Variants in SNAP91 observed in about 807,000 individuals in gnomAD.
SNAP91 encodes the protein synaptosome associated protein 91, also known as clathrin coat assembly protein AP180.
SNAP91 carries 27 observed loss-of-function variants against 100.3 expected under a neutral mutation model. The observed-to-expected ratio is 0.27, with a 90% CI of 0.20 to 0.37. SNAP91 has a LOEUF of 0.37. Ranked by LOEUF, SNAP91 falls within the 10% of genes least tolerant of loss-of-function variation. The pLI, the probability that SNAP91 is intolerant of heterozygous loss-of-function variation, is 1.00. For missense variants in SNAP91, 986 were observed against 1,123.7 expected (o/e 0.88, Z 1.75); for synonymous variants, 404 against 398.6 (o/e 1.01, Z -0.16).
chr6:83,688,352 T>TA (rs2099087909), intron 2 of SNAP91, among the ~76,000 whole-genome samples: 1 of 152,192 alleles, frequency 6.6e-6, no homozygotes, highest in Non-Finnish European at 1.5e-5. Flanking sequence ...TCTCACTGCT[T>TA]AATAAAATAA....
chr6:83,568,606 G>A (rs919286293), intron 26 of SNAP91, among the ~76,000 whole-genome samples: 4 of 152,248 alleles, frequency 2.6e-5, no homozygotes, highest in African/African-American at 9.6e-5. Context: ...GCCAGCAGAC[G>A]TAGTTCAATA....
intron 13 of SNAP91, among the ~76,000 whole-genome samples, chr6:83,606,019 C>T (rs2128279367): frequency 6.6e-6 from 1 of 152,198 alleles, no homozygotes; most frequent in South Asian, 2.1e-4. Flanking sequence ...CTTTGAGGGC[C>T]AGTTGGTCTC....
intron 22 of SNAP91, among the ~76,000 whole-genome samples, chr6:83,585,346 A>G (rs6454335): frequency 0.028 from 4,216 of 152,042 alleles, 177 homozygotes; most frequent in African/African-American, 0.094. Flanking sequence ...TCATTTTTAT[A>G]TATCTATCTA....
intron 8 of SNAP91, 47 bp from the exon 9 acceptor site, chr6:83,623,389 T>G (rs781387387): frequency 8.5e-6 from 12 of 1,404,374 alleles, no homozygotes; most frequent in Non-Finnish European, 1.2e-5. Context: ...TAAAATTAAT[T>G]TTTTTCATTT....
chr6:83,697,430 A>C (rs927125989), intron 2 of SNAP91, among the ~76,000 whole-genome samples: 5 of 151,908 alleles, frequency 3.3e-5, no homozygotes, highest in Admixed American at 3.3e-4. Flanking sequence ...AGTTAATGGT[A>C]TGTACTGAGA....
intron 8 of SNAP91, among the ~76,000 whole-genome samples, chr6:83,627,428 C>T (rs2096983364): frequency 3.3e-5 from 5 of 151,978 alleles, no homozygotes; most frequent in Admixed American, 2.0e-4. Context: ...AGAATTGCTT[C>T]CAGTTCTTCT....
chr6:83,666,141 T>C (rs1212580833), intron 2 of SNAP91, among the ~76,000 whole-genome samples: 4 of 152,102 alleles, frequency 2.6e-5, no homozygotes, highest in Non-Finnish European at 4.4e-5. Flanking sequence ...TAGAACAACA[T>C]GCATGCATTA....
chr6:83,555,737 A>AT (rs1192969935), intron 29 of SNAP91, among the ~76,000 whole-genome samples: 3 of 152,220 alleles, frequency 2.0e-5, no homozygotes, highest in African/African-American at 7.2e-5. Context: ...CAAAAGAAGG[A>AT]TAAACAAAAT....
chr6:83,659,241 T>C (rs886304149), intron 5 of SNAP91, 149 bp from the exon 6 acceptor site: 3 of 628,204 alleles, frequency 4.8e-6, no homozygotes, highest in South Asian at 2.1e-5. Context: ...TTGTAGTCAT[T>C]TCCCCCCTCT....
In SNAP91 at chr6:83,638,701, G is replaced by A. The variant is rs146787566; in HGVS notation, c.765+2395C>T. Among the ~76,000 whole-genome samples, 15 of 152,228 alleles carry A rather than the reference G, an allele frequency of 9.9e-5. No homozygotes were observed. In the East Asian group the frequency reaches 2.7e-3, roughly 27 times the overall value. On this transcript the variant is annotated intron_variant, in intron 8 of 29. Coordinates refer to ENST00000369694, the MANE Select transcript of SNAP91 (RefSeq NM_001242792.2). The stretch of plus-strand genomic sequence containing the variant: ...ATGTATTTCCATTAAATGGATAATT[G>A]TGTTCAAAGAGACAATTTAGGAATT...
intron 8 of SNAP91, among the ~76,000 whole-genome samples, chr6:83,639,724 C>G (rs1263154732): frequency 6.6e-6 from 1 of 151,994 alleles, no homozygotes; most frequent in Non-Finnish European, 1.5e-5. Context: ...GAAGTGTATA[C>G]CCCAGACTGC....
chr6:83,559,516 T>C (rs1460647919), intron 28 of SNAP91, among the ~76,000 whole-genome samples: 2 of 152,228 alleles, frequency 1.3e-5, no homozygotes, highest in African/African-American at 2.4e-5. Flanking sequence ...ATAAGTTTAG[T>C]ACTTTCCTGA....
intron 18 of SNAP91, 97 bp downstream of exon 18, chr6:83,593,381 G>A (rs2094058210): frequency 6.6e-7 from 1 of 1,507,708 alleles, no homozygotes; most frequent in Non-Finnish European, 9.0e-7. Context: ...GGTTTCTAGA[G>A]AACCATTTAA....
chr6:83,613,047 A>G (rs2096255474), intron 11 of SNAP91, among the ~76,000 whole-genome samples: 1 of 152,222 alleles, frequency 6.6e-6, no homozygotes, highest in Non-Finnish European at 1.5e-5. Context: ...TATAAAAAAG[A>G]GTATCATACT....
intron 26 of SNAP91, among the ~76,000 whole-genome samples, chr6:83,561,515 A>G (rs956594624): frequency 6.6e-6 from 1 of 152,224 alleles, no homozygotes; most frequent in Non-Finnish European, 1.5e-5. Flanking sequence ...GTTCTCTGTT[A>G]TAGAGTCATT....
At chr6:83,701,447 CTTT>C (rs1243379831) in intron 2 of SNAP91, among the ~76,000 whole-genome samples, 4 of 141,266 alleles carry the variant, frequency 2.8e-5, no homozygotes, top group African/African-American at 2.6e-5. Flanking sequence ...ATCAAAAATT[CTTT>C]TTTTTTTTTT....
intron 2 of SNAP91, among the ~76,000 whole-genome samples, chr6:83,680,892 G>C (rs1479601992): frequency 6.6e-6 from 1 of 152,062 alleles, no homozygotes; most frequent in African/African-American, 2.4e-5. Context: ...ATTGAAGTTG[G>C]GCTGCAGTAG....
At position 83,576,063 on chromosome 6, in the gene SNAP91, G is replaced by A. The variant is rs1309111380; in HGVS notation, c.2300-10C>T. 3.0e-6 allele frequency: 4 copies of A among 1,313,640 alleles called. No homozygotes were observed. The highest frequency in any genetic ancestry group is 3.0e-5 in the African/African-American group (2 of 66,216). The allele number at this position is 1,313,640 out of a possible 1,614,324, so 81.4% of individuals were successfully genotyped here. A position where few individuals can be genotyped will look rare whatever the true frequency, so the allele number is the denominator to read the frequency against. On this transcript the variant is annotated splice_polypyrimidine_tract_variant and intron_variant, in intron 24 of 29. Transcript: ENST00000369694. ...CCAGAAATTCCAAGATCTATAAATG[G>A]ATAAAAGAAAAAAGAATGTAAATCT...
chr6:83,566,725 C>A (rs1262036542), intron 26 of SNAP91, among the ~76,000 whole-genome samples: 1 of 152,108 alleles, frequency 6.6e-6, no homozygotes, highest in East Asian at 1.9e-4. Context: ...TGAAGCCCAA[C>A]ATAAATAATA....
Sources: allele counts gnomAD v4.1 joint callset (sites outside exome capture counted in the v4.1 genomes callset), GRCh38; gene constraint gnomAD v4.1.1; transcripts MANE v1.5; gene names NCBI Gene and HGNC (gene_info 2026-07-23, HGNC 2026-07-21).